GLOD4: variants seen among roughly 807,000 people sequenced by gnomAD.
GLOD4 encodes glyoxalase domain containing 4, also known as glyoxalase domain-containing protein 4.
GLOD4 carries 44 observed loss-of-function variants against 39.1 expected under a neutral mutation model. The ratio of observed to expected loss-of-function variants is 1.13; its 90% CI spans 0.88 to 1.45. The LOEUF is 1.45. GLOD4 is among the 40% of genes most tolerant of loss of function. The pLI is 0.00. For missense variants in GLOD4, 405 were observed against 366.4 expected, an observed-to-expected ratio of 1.11 and a Z score of -0.86; for synonymous variants, 145 against 135.0, an observed-to-expected ratio of 1.07 and a Z score of -0.52.
intron 5 of GLOD4, 84 bp from the exon 6 acceptor site, chr17:770,591 C>T: frequency 2.6e-6 from 2 of 759,264 alleles, no homozygotes; most frequent in Non-Finnish European, 4.9e-6. Flanking sequence ...ATATTATATA[C>T]TAAAGGAATA....
At chr17:776,561 G>T (rs1908997035) in intron 3 of GLOD4, among the ~76,000 whole-genome samples, 1 of 152,092 alleles carries the variant, frequency 6.6e-6, no homozygotes, top group African/African-American at 2.4e-5. Flanking sequence ...GAGGCCCCCT[G>T]CAGTCTTACC....
upstream of GLOD4, chr17:782,732 C>T: frequency 2.6e-6 from 4 of 1,554,028 alleles, no homozygotes; most frequent in Non-Finnish European, 2.6e-6. Context: ...TCTCGTTTCC[C>T]TTCCCGTCGC....
chr17:775,975 C>G (rs1567794427), intron 3 of GLOD4, 56 bp from the exon 4 acceptor site: 3 of 1,483,914 alleles, frequency 2.0e-6, no homozygotes, highest in Non-Finnish European at 2.8e-6. Context: ...TTTTACAGAA[C>G]AAGACAATGA....
In GLOD4 at chr17:760,184, C is replaced by T. The variant is rs1313218717; in HGVS notation, c.886G>A (p.Ala296Thr). 6.3e-7 allele frequency: 1 copy of T among 1,595,418 alleles called. No individual in the cohort carries two copies. Among genetic ancestry groups the T allele is most frequent in the Admixed American group, 1.7e-5 (1 of 59,986 alleles). The change falls in exon 9 of 9, where the codon GCT (alanine) becomes ACT (threonine). Residue 296 changes from alanine (A) to threonine (T), a missense_variant. Physicochemically the swap from Ala to Thr is moderately conservative, Grantham distance 58. Coordinates refer to ENST00000301329, the MANE Select transcript of GLOD4 (RefSeq NM_016080.4). The stretch of plus-strand genomic sequence containing the variant: ...CATCATGTCTTCCGTTAACCTGAAG[C>T]TTTGGGTTTATTGTGTTTGGCAAAC... Reference protein sequence around the residue: ...EWFAKHNKPKASG With the variant: ...EWFAKHNKPKTSG
chr17:779,196 T>C (rs1027056359), intron 1 of GLOD4, among the ~76,000 whole-genome samples: 5 of 151,632 alleles, frequency 3.3e-5, no homozygotes, highest in African/African-American at 9.7e-5. Flanking sequence ...GTGCTTGTGA[T>C]CCCAGCTACT....
chr17:772,280 A>T (rs1282295979), intron 4 of GLOD4, among the ~76,000 whole-genome samples: 2 of 152,000 alleles, frequency 1.3e-5, no homozygotes, highest in South Asian at 4.2e-4. Flanking sequence ...TTTGGTAAGA[A>T]AAACTTACAT....
At chr17:771,592 G>A in intron 4 of GLOD4, 131 bp from the exon 5 acceptor site, 1 of 536,332 alleles carries the variant, frequency 1.9e-6, no homozygotes. Flanking sequence ...ATGAAGCTGG[G>A]TGCAGCGGCC....
At chr17:784,370 G>A (rs1910435289), upstream of GLOD4, among the ~76,000 whole-genome samples, 1 of 152,208 alleles carries the variant, frequency 6.6e-6, no homozygotes, top group African/African-American at 2.4e-5. Flanking sequence ...CTCATGCTAA[G>A]TAACCATATT....
At chr17:770,358 A>G in intron 6 of GLOD4, 63 bp downstream of exon 6, 1 of 885,982 alleles carries the variant, frequency 1.1e-6, no homozygotes, top group South Asian at 1.3e-5. Flanking sequence ...GGGAAGGACA[A>G]AGTTCTTAGC....
rs181908146 is a variant in GLOD4 at position 770,612 on chromosome 17, T to G, written c.544-105A>C. On this transcript the variant is annotated intron_variant, in intron 5 of 8. Transcript: ENST00000301329. Reference sequence around the variant, plus strand: ...TATACTAAAGGAATAAAGTAAAAACTGAGTCTCTATCCTACTCTCACCCCA... The same window carrying G: ...TATACTAAAGGAATAAAGTAAAAACGGAGTCTCTATCCTACTCTCACCCCA... 200 of 705,544 alleles carry G rather than the reference T, an allele frequency of 2.8e-4. 2 individuals are homozygous for G. The African/African-American group carries it at 3.4e-3, about 12-fold the overall frequency. The allele number at this position is 705,544 out of a possible 1,614,324, so 43.7% of individuals were successfully genotyped here. A position where few individuals can be genotyped will look rare whatever the true frequency, so the allele number is the denominator to read the frequency against.
intron 4 of GLOD4, 100 bp downstream of exon 4, chr17:775,675 C>A (rs1365774093): frequency 3.2e-6 from 3 of 945,070 alleles, no homozygotes; most frequent in Admixed American, 2.1e-5. Flanking sequence ...AGACACGTCA[C>A]GTGAACACAG....
chr17:765,911 G>A lies in GLOD4; in HGVS notation c.831+3958C>T, dbSNP rs1044472415. Among the ~76,000 whole-genome samples the A allele has an allele frequency of 4.0e-5, 6 of 151,364 alleles. No homozygotes were observed. In the East Asian group the frequency reaches 6.0e-4, roughly 15 times the overall value. On this transcript the variant is annotated intron_variant, in intron 8 of 8. Coordinates refer to ENST00000301329, the MANE Select transcript of GLOD4 (RefSeq NM_016080.4). ...GCAGAGGTTGCAGTGACCTGAGATC[G>A]CGCCACTGCACTCCAGCCTGGGCAA...
intron 1 of GLOD4, 62 bp from the exon 2 acceptor site, chr17:778,806 A>G (rs371567611): frequency 2.2e-6 from 2 of 894,104 alleles, no homozygotes; most frequent in Non-Finnish European, 3.6e-6. Flanking sequence ...CGTCTTTAGC[A>G]CAGACTAAAA....
At chr17:768,009 C>T (rs1304238694) in intron 8 of GLOD4, among the ~76,000 whole-genome samples, 1 of 139,380 alleles carries the variant, frequency 7.2e-6, no homozygotes, top group African/African-American at 2.8e-5. Context: ...GAGAGAGAAA[C>T]AGCGCGCACT....
At chr17:763,884 A>T (rs1905992203) in intron 8 of GLOD4, 3 of 152,244 alleles carry the variant, frequency 2.0e-5, no homozygotes, top group African/African-American at 7.2e-5. Context: ...TCACCAAAAT[A>T]AAAAATTCCT....
At chr17:775,206 GGT>G (rs1908688036) in intron 4 of GLOD4, among the ~76,000 whole-genome samples, 1 of 151,860 alleles carries the variant, frequency 6.6e-6, no homozygotes, top group Non-Finnish European at 1.5e-5. Context: ...GGGAGGCAGA[GGT>G]TGCAGTGAGC....
At position 776,976 on chromosome 17, in the gene GLOD4, C is replaced by T. The variant is rs114621791; in HGVS notation, c.153G>A (p.Gly51=). Residue 51 remains glycine (G), a synonymous_variant, in exon 3 of 9, where the codon GGG becomes GGA. Transcript: ENST00000301329. ...ATCCCACCATTGTTTTACTCCATTT[C>T]CCATCATAAGGCCTAGAAAATAAAA... ...CKAACNGPYD[G]KWSKTMVGFG... 3 of 1,608,850 alleles carry T rather than the reference C, an allele frequency of 1.9e-6. No individual in the cohort carries two copies. In the East Asian group the frequency reaches 6.7e-5, roughly 36 times the overall value.
rs780597980 is a variant in GLOD4 at position 770,077 on chromosome 17, T to C, written c.711A>G (p.Lys237=). The change falls in exon 7 of 9, where the codon AAA becomes AAG. Residue 237 remains lysine (K), a synonymous_variant. Coordinates refer to ENST00000301329, the MANE Select transcript of GLOD4 (RefSeq NM_016080.4). The part of the protein sequence containing the change: ...TPLVSLDTPG[K]ATVQVVILAD... ...CCAGAATGACCACCTGTACTGTTGC[T>C]TTCCCTGGGGTGTCCAGGCTCACCA... 6.2e-7 allele frequency: 1 copy of C among 1,612,152 alleles called. No individual in the cohort carries two copies. The highest frequency in any genetic ancestry group is 8.5e-7 in the Non-Finnish European group (1 of 1,178,264).
rs1043031588 is a variant in GLOD4 at position 778,742 on chromosome 17, A to G, written c.93T>C (p.Val31=). The part of the protein sequence containing the change: ...RFYRDVLGMK[V]LRHEEFEEGC... ...CTTCTTCAAATTCCTCATGCCGCAGAACCTGGTGTGAGATTTAGAATAAAT... is the reference window on the plus strand; with the variant it reads ...CTTCTTCAAATTCCTCATGCCGCAGGACCTGGTGTGAGATTTAGAATAAAT... The change falls in exon 2 of 9, where the codon GTT becomes GTC. Residue 31 remains valine (V), a splice_region_variant and synonymous_variant. Transcript: ENST00000301329. The G allele has an allele frequency of 6.3e-7, 1 of 1,594,408 alleles. No individual in the cohort carries two copies. The highest frequency in any genetic ancestry group is 2.2e-5 in the East Asian group (1 of 44,798).
Sources: allele counts gnomAD v4.1 joint callset (sites outside exome capture counted in the v4.1 genomes callset), GRCh38; gene constraint gnomAD v4.1.1; transcripts MANE v1.5; gene names NCBI Gene and HGNC (gene_info 2026-07-23, HGNC 2026-07-21).